Variants in REPIN1 observed in about 807,000 individuals in gnomAD.
REPIN1 encodes replication initiator 1.
Under a neutral mutation model 5.7 loss-of-function variants are expected in REPIN1, and 4 were observed. The ratio of observed to expected loss-of-function variants is 0.71; its 90% confidence interval spans 0.35 to 1.62. The LOEUF (loss-of-function observed/expected upper bound fraction) is 1.62, where lower values mean the gene tolerates loss of function less well. REPIN1 is among the 40% of genes most tolerant of loss of function. The probability of loss-of-function intolerance (pLI) is 0.05; values close to 1 mark genes in which losing one functional copy is unlikely to be tolerated. For missense variants in REPIN1, 854 were observed against 901.0 expected (o/e 0.95, Z 0.67); for synonymous variants, 410 against 386.2 (o/e 1.06, Z -0.72).
chr7:150,369,819 C>T lies in REPIN1; in HGVS notation c.108C>T (p.Ile36=). Residue 36 remains isoleucine (I), a synonymous_variant, in exon 2 of 3, where the codon ATC becomes ATT. Coordinates refer to ENST00000489432, the MANE Select transcript of REPIN1 (RefSeq NM_001099695.2). ...RCSRGSIPRN[I]PKRSWKKPHP... is the part of the protein sequence containing the mutation. ...GCCGCGGAAGTATCCCCAGGAACAT[C>T]CCCAAGAGGAGCTGGAAAAAGCCTC... 4 of 1,612,948 alleles carry T rather than the reference C, an allele frequency of 2.5e-6. 1 individual carries two copies. The South Asian group carries it at 4.4e-5, about 18-fold the overall frequency.
Position 150,373,004 on chromosome 7 carries a change from G to A in REPIN1, c.*59G>A, listed in dbSNP as rs2129620405. 4 of 1,566,088 alleles carry A rather than the reference G, an allele frequency of 2.6e-6. No homozygotes were observed. In the South Asian group the frequency reaches 3.6e-5, roughly 14 times the overall value. On this transcript the variant is annotated 3_prime_UTR_variant, in exon 3 of 3. Coordinates refer to ENST00000489432, the MANE Select transcript of REPIN1 (RefSeq NM_001099695.2). ...GCTGGGGTCCTTCGTGGTGGGAGTC[G>A]CAGTGGGCTGGGGGTGCCTGCCTAG...
upstream of REPIN1, chr7:150,368,658 T>G: frequency 1.5e-5 from 3 of 199,296 alleles, no homozygotes; most frequent in Non-Finnish European, 3.0e-5. Flanking sequence ...GGCAGTGGCT[T>G]GAGTGACCCG....
rs529220819 is a variant in REPIN1 at position 150,369,580 on chromosome 7, G to A, written c.-41-91G>A. 2.6e-5 allele frequency: 29 copies of A among 1,135,934 alleles called. No homozygotes were observed. The African/African-American group carries it at 2.9e-4, about 11-fold the overall frequency. 70.4% of individuals were successfully genotyped at this position (1,135,934 alleles called of 1,614,324 possible). A position where few individuals can be genotyped will look rare whatever the true frequency, so the allele number is the denominator to read the frequency against. Reference sequence around the variant, plus strand: ...TTATGGCTGGTGCGTGTGGCTTTGTGGGGGGAGGGGTTGTGGCTGGTGAGG... The same window carrying A: ...TTATGGCTGGTGCGTGTGGCTTTGTAGGGGGAGGGGTTGTGGCTGGTGAGG... On this transcript the variant is annotated intron_variant, in intron 1 of 2. Coordinates refer to ENST00000489432, the MANE Select transcript of REPIN1 (RefSeq NM_001099695.2).
Position 150,372,248 on chromosome 7 carries a change from C to G in REPIN1, c.1178C>G (p.Pro393Arg). 1 of 1,536,218 alleles carries G rather than the reference C, an allele frequency of 6.5e-7. No homozygotes were observed. The highest frequency in any genetic ancestry group is 1.2e-5 in the South Asian group (1 of 84,046). Residue 393 changes from proline to arginine, a missense_variant, in exon 3 of 3, where the codon CCC (proline) becomes CGC (arginine). Around this residue, in one of 5 missense-constraint regions of REPIN1, gnomAD observed 327 missense variants for 307.8 expected, o/e 1.06. Transcript: ENST00000489432. ...GGGAGCCCCCAGCTGCCAGCCGGCC[C>G]CCAGGAGTCCGCGGCCGAGCCCACC... The part of the protein sequence containing the change: ...GPGSPQLPAG[P>R]QESAAEPTPA...
chr7:150,370,083 C>T (rs1005578291), intron 2 of REPIN1: 14 of 559,720 alleles, frequency 2.5e-5, no homozygotes, highest in Non-Finnish European at 3.9e-5. Context: ...TGAGCAGGCA[C>T]AGAAGGGCCC....
In REPIN1 at chr7:150,371,092, G is replaced by A. The variant is rs1020658905; in HGVS notation, c.158-136G>A. The A allele has an allele frequency of 6.4e-6, 6 of 939,520 alleles. No homozygotes were observed. The East Asian group carries it at 1.6e-4, about 25-fold the overall frequency. The allele number at this position is 939,520 out of a possible 1,614,324, so 58.2% of individuals were successfully genotyped here. ...ATAATACATACCACACAAGGAAACA[G>A]GAGAGTAGTCTAGCTCCATGTCCGG... On this transcript the variant is annotated intron_variant, in intron 2 of 2. Transcript: ENST00000489432.
Position 150,369,736 on chromosome 7 carries a change from C to T in REPIN1, c.25C>T (p.Leu9=). The T allele has an allele frequency of 3.7e-6, 6 of 1,613,948 alleles. No homozygotes were observed. Among genetic ancestry groups the T allele is most frequent in the Non-Finnish European group, 5.1e-6 (6 of 1,179,858 alleles). MGIGVSLL[L]QFSLTPGGYR... is the part of the protein sequence containing the mutation. ...CATGGGGATAGGGGTGTCTTTATTA[C>T]TGCAGTTTTCTCTAACACCTGGGGG... The change falls in exon 2 of 3, where the codon CTG becomes TTG. Residue 9 remains leucine, a synonymous_variant. Transcript: ENST00000489432.
At chr7:150,368,197 C>T (rs1474642282), upstream of REPIN1, 2 of 152,252 alleles carry the variant, frequency 1.3e-5, no homozygotes, top group East Asian at 3.8e-4. Context: ...CCAGAGGAAG[C>T]CCAGCAACTT....
intron 2 of REPIN1, chr7:150,370,346 C>T (rs1163746415): frequency 7.4e-6 from 2 of 269,492 alleles, no homozygotes; most frequent in East Asian, 1.9e-4. Context: ...TCCTTGGATT[C>T]AGGGAGAGCC....
chr7:150,372,688 G>A lies in REPIN1; in HGVS notation c.1618G>A (p.Gly540Ser), dbSNP rs1799987950. 2 of 1,612,638 alleles carry A rather than the reference G, an allele frequency of 1.2e-6. No individual in the cohort carries two copies. The highest frequency in any genetic ancestry group is 1.7e-6 in the Non-Finnish European group (2 of 1,179,858). ...YLAAHRRIHT[G>S]EKPYVCPDCG... is the part of the protein sequence containing the mutation. Reference sequence around the variant, plus strand: ...GGCGGCGCACCGGCGCATCCACACCGGCGAGAAGCCCTACGTCTGCCCCGA... The same window carrying A: ...GGCGGCGCACCGGCGCATCCACACCAGCGAGAAGCCCTACGTCTGCCCCGA... Residue 540 changes from glycine to serine, a missense_variant, in exon 3 of 3, where the codon GGC becomes AGC. By Grantham distance (56) the Gly-to-Ser change is moderately conservative. This residue lies in a region of REPIN1 where 101 missense variants were observed against 124.7 expected (regional missense o/e 0.81). Transcript: ENST00000489432.
chr7:150,372,211 GC>G lies in REPIN1; in HGVS notation c.1146del (p.Gly383AlafsTer24). The G allele has an allele frequency of 1.9e-6, 3 of 1,577,406 alleles. No individual in the cohort carries two copies. The highest frequency in any genetic ancestry group is 1.4e-5 in the African/African-American group (1 of 73,692). Reference protein sequence around the residue: ...HKRSEGSAQAAPGPGSPQLPA... With the variant: ...HKRSEGSAQAXPGPGSPQLPA... ...GCGATCCGAGGGGTCGGCCCAGGCC[GC>G]CCCCGGCCCGGGGAGCCCCCAGCTG... On this transcript the variant is annotated frameshift_variant, in exon 3 of 3. Transcript: ENST00000489432. LOFTEE classifies it low-confidence loss of function (END_TRUNC).
upstream of REPIN1, among the ~76,000 whole-genome samples, chr7:150,368,570 G>C (rs1293691465): frequency 1.3e-5 from 2 of 152,088 alleles, no homozygotes; most frequent in East Asian, 3.9e-4. Flanking sequence ...CTTGAGCTCC[G>C]GCCAGTCCCA....
rs1397195727 is a variant in REPIN1 at position 150,372,771 on chromosome 7, G to C, written c.1701G>C (p.Thr567=). Residue 567 remains threonine, a synonymous_variant, in exon 3 of 3, where the codon ACG becomes ACC. Transcript: ENST00000489432. ...SNLVSHRRIH[T]GERPYACPDC... is the part of the protein sequence containing the mutation. Reference sequence around the variant, plus strand: ...TGGTGTCGCACCGGCGCATCCACACGGGCGAGCGGCCCTACGCCTGTCCCG... The same window carrying C: ...TGGTGTCGCACCGGCGCATCCACACCGGCGAGCGGCCCTACGCCTGTCCCG... The C allele has an allele frequency of 2.5e-6, 4 of 1,610,268 alleles. No individual in the cohort carries two copies. The highest frequency in any genetic ancestry group is 2.2e-5 in the East Asian group (1 of 44,744).
chr7:150,372,322 C>A lies in REPIN1; in HGVS notation c.1252C>A (p.Pro418Thr), dbSNP rs1225837029. The A allele has an allele frequency of 2.0e-6, 3 of 1,520,478 alleles. No individual in the cohort carries two copies. Among genetic ancestry groups the A allele is most frequent in the Non-Finnish European group, 2.6e-6 (3 of 1,141,088 alleles). The allele number at this position is 1,520,478 out of a possible 1,614,324, so 94.2% of individuals were successfully genotyped here. ...CCAGGAGCCGCCGCCAGGGGCCCCG[C>A]CAGAGCACCCGCAGGACCCGATCGA... is the stretch of plus-strand genomic sequence containing the variant. ...PAQEPPPGAPPEHPQDPIEAP... is the reference protein window; with the variant it reads ...PAQEPPPGAPTEHPQDPIEAP... Residue 418 changes from proline (P) to threonine (T), a missense_variant, in exon 3 of 3, where the codon CCA (proline) becomes ACA (threonine). Coordinates refer to ENST00000489432, the MANE Select transcript of REPIN1 (RefSeq NM_001099695.2).
chr7:150,372,863 G>A lies in REPIN1; in HGVS notation c.1793G>A (p.Gly598Asp), dbSNP rs1482047944. 6.2e-7 allele frequency: 1 copy of A among 1,613,086 alleles called. No homozygotes were observed. Among genetic ancestry groups the A allele is most frequent in the African/African-American group, 1.3e-5 (1 of 75,070 alleles). Reference protein sequence around the residue: ...ITHRKSHIRDGAFCCAICGQT... With the variant: ...ITHRKSHIRDDAFCCAICGQT... ...CACCGCAAGAGCCACATCCGGGACG[G>A]CGCCTTCTGCTGTGCCATCTGTGGC... The change falls in exon 3 of 3, where the codon GGC becomes GAC. Residue 598 changes from glycine (G) to aspartate (D), a missense_variant. This residue lies in a region of REPIN1 where 101 missense variants were observed against 124.7 expected (regional missense o/e 0.81). Transcript: ENST00000489432.
chr7:150,369,239 C>T (rs1799229525), intron 1 of REPIN1: 3 of 382,392 alleles, frequency 7.8e-6, no homozygotes, highest in Non-Finnish European at 1.4e-5. Context: ...AGCCGCGATG[C>T]GGAAGGGGAT....
chr7:150,370,988 C>T, intron 2 of REPIN1: 1 of 635,564 alleles, frequency 1.6e-6, no homozygotes, highest in Non-Finnish European at 2.8e-6. Context: ...ATCAGAGTCC[C>T]TCCCTTCTGG....
At position 150,371,862 on chromosome 7, in the gene REPIN1, C is replaced by G; in HGVS notation, c.792C>G (p.Ala264=). The G allele has an allele frequency of 6.2e-7, 1 of 1,605,606 alleles. No individual in the cohort carries two copies. The highest frequency in any genetic ancestry group is 8.5e-7 in the Non-Finnish European group (1 of 1,176,578). The part of the protein sequence containing the change: ...RVHVAEALEE[A]AAKALGPRPR... ...ACGTAGCTGAGGCCCTGGAGGAGGCCGCAGCCAAGGCTCTGGGGCCCCGGC... is the reference window on the plus strand; with the variant it reads ...ACGTAGCTGAGGCCCTGGAGGAGGCGGCAGCCAAGGCTCTGGGGCCCCGGC... The change falls in exon 3 of 3, where the codon GCC becomes GCG. Residue 264 remains alanine (A), a synonymous_variant. Transcript: ENST00000489432.
In REPIN1 at chr7:150,373,120, C is replaced by T. The variant is rs1800058772; in HGVS notation, c.*175C>T. 2 of 964,578 alleles carry T rather than the reference C, an allele frequency of 2.1e-6. No individual in the cohort carries two copies. The highest frequency in any genetic ancestry group is 2.9e-5 in the Admixed American group (1 of 34,160). 59.8% of individuals were successfully genotyped at this position (964,578 alleles called of 1,614,324 possible). A position where few individuals can be genotyped will look rare whatever the true frequency, so the allele number is the denominator to read the frequency against. On this transcript the variant is annotated 3_prime_UTR_variant, in exon 3 of 3. Coordinates refer to ENST00000489432, the MANE Select transcript of REPIN1 (RefSeq NM_001099695.2). ...CCCTGCTAGCGAGAGAGGTCAACCC[C>T]GGTGGCCAGGGAACCCACTTCCAAG...
Sources: allele counts gnomAD v4.1 joint callset (sites outside exome capture counted in the v4.1 genomes callset), GRCh38; gene constraint gnomAD v4.1.1; regional missense constraint gnomAD v4.1.1; transcripts MANE v1.5; gene names NCBI Gene and HGNC (gene_info 2026-07-23, HGNC 2026-07-21).